ADRA1A: variants seen among roughly 807,000 people sequenced by gnomAD.
ADRA1A encodes the protein alpha-1A adrenergic receptor.
A neutral mutation model predicts 29.6 loss-of-function variants in ADRA1A; 31 were observed. The ratio of observed to expected loss-of-function variants is 1.05; its 90% confidence interval spans 0.79 to 1.41. The LOEUF is 1.41. ADRA1A is among the 40% of genes most tolerant of loss of function. The pLI is 0.00. For missense variants in ADRA1A, 619 were observed against 601.1 expected, an observed-to-expected ratio of 1.03 and a Z score of -0.31; for synonymous variants, 311 against 254.3, an observed-to-expected ratio of 1.22 and a Z score of -2.12.
intron 2 of ADRA1A, among the ~76,000 whole-genome samples, chr8:26,849,348 T>A (rs544349264): frequency 6.6e-6 from 1 of 152,148 alleles, no homozygotes. Context: ...CCAGGCAGGA[T>A]GGGAAGGACC....
rs767829617 is a variant in ADRA1A, at chr8:26,864,390, A to G, written c.580T>C (p.Tyr194His). ...ACCAGGATGATGGCCAGAGGCAGGT[A>G]GAAGGAGCCCAGCGCTGAGAAGAGC... ...YVLFSALGSF[Y>H]LPLAIILVMY... Residue 194 changes from tyrosine (Y) to histidine (H), a missense_variant, in exon 2 of 3, where the codon TAC (tyrosine) becomes CAC (histidine). Coordinates refer to ENST00000380573, the MANE Select transcript of ADRA1A (RefSeq NM_000680.4). This position sits in a 1 kb window ranked among gnomAD's most constrained non-coding sequence, Gnocchi z 8.1. 1.9e-6 allele frequency: 3 copies of G among 1,613,800 alleles called. No individual in the cohort carries two copies. The highest frequency in any genetic ancestry group is 1.7e-5 in the Admixed American group (1 of 60,028).
rs1171413276 is a variant in ADRA1A, at chr8:26,865,926, C to T, written c.-686-271G>A. 6.6e-6 allele frequency among the ~76,000 whole-genome samples: 1 copy of T among 152,196 alleles called. No individual in the cohort carries two copies. The highest frequency in any genetic ancestry group is 2.4e-5 in the African/African-American group (1 of 41,450). Reference sequence around the variant, plus strand: ...ACAAAAAAACAAATCCCCAAAACCCCAGGCTCCAGCGCTCGAAGTCTGGAT... The same window carrying T: ...ACAAAAAAACAAATCCCCAAAACCCTAGGCTCCAGCGCTCGAAGTCTGGAT... On this transcript the variant is annotated intron_variant, in intron 1 of 2. Transcript: ENST00000380573. The surrounding 1 kb of genome is among the most constrained non-coding windows in gnomAD (Gnocchi z 7.6).
chr8:26,801,306 G>A (rs1164112934), intron 2 of ADRA1A, among the ~76,000 whole-genome samples: 1 of 151,996 alleles, frequency 6.6e-6, no homozygotes, highest in Admixed American at 6.6e-5. Flanking sequence ...GAAAGTAAAG[G>A]CATCCAAATT....
rs1805396967 is a variant in ADRA1A, at chr8:26,759,696, G to T, written c.1270-2917C>A. 2.0e-5 allele frequency among the ~76,000 whole-genome samples: 3 copies of T among 152,190 alleles called. No individual in the cohort carries two copies. The South Asian group carries it at 6.2e-4, about 31-fold the overall frequency. ...GGGCCACAGCCCTCCCATCCCTTGA[G>T]ACTTCAGTTAGCCGAACTCTTTTCC... is the stretch of plus-strand genomic sequence containing the variant. On this transcript the variant is annotated intron_variant, in intron 2 of 2. Coordinates refer to the ADRA1A transcript ENST00000380582.
Position 26,865,959 on chromosome 8 carries a change from G to T in ADRA1A, c.-686-304C>A, listed in dbSNP as rs891271522. ...AGCGCTCGAAGTCTGGATTTCGAGC[G>T]CAGGTACCACGAAATTAAAATCCTC... On this transcript the variant is annotated intron_variant, in intron 1 of 2. Transcript: ENST00000380573. This position sits in a 1 kb window ranked among gnomAD's most constrained non-coding sequence, Gnocchi z 7.6. Among the ~76,000 whole-genome samples the T allele has an allele frequency of 1.4e-4, 21 of 152,166 alleles. No homozygotes were observed. Among genetic ancestry groups the T allele is most frequent in the African/African-American group, 5.1e-4 (21 of 41,450 alleles).
chr8:26,802,284 A>C (rs1301085606), intron 2 of ADRA1A, among the ~76,000 whole-genome samples: 1 of 152,248 alleles, frequency 6.6e-6, no homozygotes, highest in African/African-American at 2.4e-5. Context: ...CAAAGTGAAG[A>C]CACAATCCAC....
chr8:26,757,767 A>T (rs570499450), intron 2 of ADRA1A, among the ~76,000 whole-genome samples: 1 of 152,096 alleles, frequency 6.6e-6, no homozygotes, highest in Non-Finnish European at 1.5e-5. Flanking sequence ...TCCTTAGATG[A>T]TGTTACATCT....
In ADRA1A at chr8:26,860,030, G is replaced by T. The variant is rs1421332408; in HGVS notation, c.883+4057C>A. 6.6e-6 allele frequency among the ~76,000 whole-genome samples: 1 copy of T among 152,100 alleles called. No individual in the cohort carries two copies. Among genetic ancestry groups the T allele is most frequent in the Non-Finnish European group, 1.5e-5 (1 of 68,018 alleles). Reference sequence around the variant, plus strand: ...TGATCCGCCTGCTCAGCCTCCCAAAGTGCTGGGATTAGAGGCATGAGCCAC... The same window carrying T: ...TGATCCGCCTGCTCAGCCTCCCAAATTGCTGGGATTAGAGGCATGAGCCAC... On this transcript the variant is annotated intron_variant, in intron 2 of 2. Coordinates refer to ENST00000380573, the MANE Select transcript of ADRA1A (RefSeq NM_000680.4). This position sits in a 1 kb window ranked among gnomAD's most constrained non-coding sequence, Gnocchi z 4.7.
At chr8:26,807,329 A>G (rs72609961) in intron 2 of ADRA1A, among the ~76,000 whole-genome samples, 3,657 of 152,352 alleles carry the variant, frequency 0.024, 73 homozygotes, top group Middle Eastern at 0.061. Flanking sequence ...ACAAGAATCA[A>G]GAAGGGTGAC....
downstream of ADRA1A, among the ~76,000 whole-genome samples, chr8:26,755,478 G>C (rs1015288295): frequency 6.6e-6 from 1 of 152,144 alleles, no homozygotes; most frequent in South Asian, 2.1e-4. Flanking sequence ...CATGATAAGC[G>C]AGACTGACTT....
chr8:26,842,699 A>C (rs1006114840), intron 2 of ADRA1A, among the ~76,000 whole-genome samples: 21 of 151,888 alleles, frequency 1.4e-4, no homozygotes, highest in Admixed American at 2.6e-4. Context: ...GTGGCTCCCC[A>C]CTTCCTCTGA....
intron 2 of ADRA1A, among the ~76,000 whole-genome samples, chr8:26,849,587 C>T (rs1812463380): frequency 6.6e-6 from 1 of 152,296 alleles, no homozygotes; most frequent in African/African-American, 2.4e-5. Context: ...CCATTTCCTT[C>T]TCCCCTTAAT....
intron 2 of ADRA1A, among the ~76,000 whole-genome samples, chr8:26,839,303 C>A (rs868438830): frequency 3.9e-5 from 6 of 152,016 alleles, no homozygotes; most frequent in Non-Finnish European, 7.4e-5. Flanking sequence ...GGACTACAGG[C>A]TCCTGCCACA....
Position 26,864,954 on chromosome 8 carries a change from C to G in ADRA1A, c.16G>C (p.Gly6Arg), listed in dbSNP as rs1252741705. The change falls in exon 2 of 3, where the codon GGA becomes CGA. Residue 6 changes from glycine to arginine, a missense_variant. By Grantham distance (125) the Gly-to-Arg change is moderately radical. Coordinates refer to ENST00000380573, the MANE Select transcript of ADRA1A (RefSeq NM_000680.4). This position sits in a 1 kb window ranked among gnomAD's most constrained non-coding sequence, Gnocchi z 8.1. ...CAGTTGGAGCTGTCGGAAGCATTTCCCGAGAGAAACACCATGGTCCCAGCC... is the reference window on the plus strand; with the variant it reads ...CAGTTGGAGCTGTCGGAAGCATTTCGCGAGAGAAACACCATGGTCCCAGCC... Reference protein sequence around the residue: MVFLSGNASDSSNCTQ... With the variant: MVFLSRNASDSSNCTQ... The G allele has an allele frequency of 6.2e-7, 1 of 1,606,566 alleles. No homozygotes were observed. The highest frequency in any genetic ancestry group is 1.7e-4 in the Middle Eastern group (1 of 6,040).
rs1809009491 is a variant in ADRA1A, at chr8:26,806,685, T to C, written c.884-36019A>G. 1.3e-5 allele frequency among the ~76,000 whole-genome samples: 2 copies of C among 152,004 alleles called. No homozygotes were observed. On this transcript the variant is annotated intron_variant, in intron 2 of 2. Coordinates refer to ENST00000380573, the MANE Select transcript of ADRA1A (RefSeq NM_000680.4). The surrounding 1 kb of genome is among the most constrained non-coding windows in gnomAD (Gnocchi z 4.6). The stretch of plus-strand genomic sequence containing the variant: ...AGAGTCCGAGGTTTCTCCCTAAGTC[T>C]CTTTACTCTGGCTTAACCGAGAGTT...
chr8:26,766,297 A>G (rs1408497587), downstream of ADRA1A: 3 of 649,190 alleles, frequency 4.6e-6, no homozygotes, highest in African/African-American at 5.4e-5. Flanking sequence ...ACAACACCCG[A>G]TATGTGTCCT....
Position 26,770,379 on chromosome 8 carries a change from T to C in ADRA1A, c.1171A>G (p.Thr391Ala), listed in dbSNP as rs1806049594. The C allele has an allele frequency of 1.2e-6, 2 of 1,614,210 alleles. No individual in the cohort carries two copies. Among genetic ancestry groups the C allele is most frequent in the African/African-American group, 2.7e-5 (2 of 75,060 alleles). The change falls in exon 3 of 3, where the codon ACG becomes GCG. Residue 391 changes from threonine (T) to alanine (A), a missense_variant. Physicochemically the swap from Thr to Ala is moderately conservative, Grantham distance 58. Transcript: ENST00000380573. ...SRETFYRISK[T>A]DGVCEWKFFS... is the part of the protein sequence containing the mutation. ...AATTTCCATTCACAAACGCCATCCG[T>C]CTTGGAGATCCTGTAGAAGGTCTCT...
chr8:26,819,928 G>T (rs1810035119), intron 2 of ADRA1A, among the ~76,000 whole-genome samples: 1 of 152,060 alleles, frequency 6.6e-6, no homozygotes, highest in African/African-American at 2.4e-5. Context: ...GCATGTAAGT[G>T]GTAACCAAAA....
At chr8:26,832,358 G>C (rs1380068107) in intron 2 of ADRA1A, among the ~76,000 whole-genome samples, 1 of 152,124 alleles carries the variant, frequency 6.6e-6, no homozygotes, top group African/African-American at 2.4e-5. Flanking sequence ...AGAAGTAAAA[G>C]CATCTAGGTA....
Sources: allele counts gnomAD v4.1 joint callset (sites outside exome capture counted in the v4.1 genomes callset), GRCh38; gene constraint gnomAD v4.1.1; non-coding constraint Gnocchi (gnomAD v3.1); transcripts MANE v1.5; gene names NCBI Gene and HGNC (gene_info 2026-07-23, HGNC 2026-07-21).